Variants in TRIM49C observed in about 807,000 individuals in gnomAD.
The protein encoded by TRIM49C is tripartite motif-containing protein 49C.
In TRIM49C, 6 loss-of-function variants were observed where a neutral mutation model predicts 21.4. That is an observed-to-expected ratio of 0.28 (90% CI 0.15 to 0.55). TRIM49C has a LOEUF of 0.55. TRIM49C is among the 20% of genes least tolerant of loss of function. The pLI is 0.94. For synonymous variants in TRIM49C, 57 were observed against 148.1 expected, an observed-to-expected ratio of 0.38 and a Z score of 4.47; for missense variants, 161 against 442.4, an observed-to-expected ratio of 0.36 and a Z score of 5.71.
chr11:90,033,910 C>T (rs1480364242), intron 2 of TRIM49C, among the ~76,000 whole-genome samples: 1 of 120,282 alleles, frequency 8.3e-6, no homozygotes, highest in East Asian at 2.6e-4. Flanking sequence ...CACGCCACTG[C>T]ATTTCAGCCT....
At chr11:90,053,669 A>G in the TRIM49C span, 1 of 150,824 alleles carries the variant, frequency 6.6e-6, no homozygotes, top group African/African-American at 2.5e-5. Context: ...AGGAGTGGGG[A>G]TGGCGGTGGC....
chr11:90,046,607 G>A (rs1241664016), downstream of TRIM49C, among the ~76,000 whole-genome samples: 8 of 121,454 alleles, frequency 6.6e-5, 2 homozygotes, highest in African/African-American at 2.7e-4. Context: ...TGGGATCGGT[G>A]GTGATATCCC....
Position 90,035,234 on chromosome 11 carries a change from T to C in TRIM49C, c.23T>C (p.Val8Ala). The change falls in exon 3 of 8, where the codon GTC becomes GCC. Residue 8 changes from valine to alanine, a missense_variant. Val to Ala is a moderately conservative substitution (Grantham distance 64). Transcript: ENST00000448984. The part of the protein sequence containing the change: MNSGILQ[V>A]FQGELICPLC... ...AACATGAATTCTGGAATCTTACAGG[T>C]CTTTCAGGGGGAACTCATCTGCCCC... 2.5e-6 allele frequency: 4 copies of C among 1,577,506 alleles called. No individual in the cohort carries two copies. Among genetic ancestry groups the C allele is most frequent in the Middle Eastern group, 2.0e-4 (1 of 4,956 alleles).
the TRIM49C span, among the ~76,000 whole-genome samples, chr11:90,067,623 TATA>T: frequency 2.1e-5 from 3 of 141,346 alleles, no homozygotes; most frequent in African/African-American, 7.7e-5. Context: ...GAAATCAGCA[TATA>T]ATGTTTGTCT....
the TRIM49C span, among the ~76,000 whole-genome samples, chr11:90,054,606 C>T: frequency 7.6e-6 from 1 of 131,550 alleles, no homozygotes; most frequent in Non-Finnish European, 1.6e-5. Flanking sequence ...GGGATAAAAA[C>T]CTCAGAAAGT....
intron 7 of TRIM49C, 44 bp from the exon 8 acceptor site, chr11:90,041,007 T>A (rs1467594486): frequency 6.8e-7 from 1 of 1,469,306 alleles, no homozygotes; most frequent in African/African-American, 1.4e-5. Flanking sequence ...TTTTCTTATT[T>A]ACACATGTCT....
intron 7 of TRIM49C, among the ~76,000 whole-genome samples, 193 bp from the exon 8 acceptor site, chr11:90,040,858 A>AAC (rs1447223095): frequency 6.8e-6 from 1 of 146,324 alleles, no homozygotes; most frequent in Non-Finnish European, 1.5e-5. Context: ...TCAAAAAAAA[A>AAC]ACATAATATC....
the TRIM49C span, among the ~76,000 whole-genome samples, chr11:90,068,482 G>C: frequency 6.9e-6 from 1 of 144,110 alleles, no homozygotes; most frequent in Non-Finnish European, 1.5e-5. Context: ...GATATCATGA[G>C]CTTAATTATT....
the TRIM49C span, among the ~76,000 whole-genome samples, chr11:90,048,416 A>G: frequency 8.1e-6 from 1 of 122,730 alleles, no homozygotes; most frequent in African/African-American, 3.3e-5. Flanking sequence ...TCAGACACAG[A>G]TTTGGTCTTT....
At position 90,039,836 on chromosome 11, in the gene TRIM49C, ATGT is replaced by A. The variant is rs748956393; in HGVS notation, c.762-25_762-23del. 2.8e-5 allele frequency: 24 copies of A among 853,708 alleles called. 2 individuals are homozygous for A. The highest frequency in any genetic ancestry group is 2.1e-4 in the East Asian group (7 of 32,678). The allele number at this position is 853,708 out of a possible 1,614,324, so 52.9% of individuals were successfully genotyped here. On this transcript the variant is annotated intron_variant, in intron 6 of 7. Transcript: ENST00000448984. ...ATTTTTATTTATTTTATGGCTGTAGATGTTGTAACTGCAGGTTTTTCCTTGCAG... is the reference window on the plus strand; with the variant it reads ...ATTTTTATTTATTTTATGGCTGTAGATGTAACTGCAGGTTTTTCCTTGCAG...
At chr11:90,055,631 G>A in the TRIM49C span, among the ~76,000 whole-genome samples, 43 of 150,622 alleles carry the variant, frequency 2.9e-4, 1 homozygote, top group Admixed American at 2.5e-3. Context: ...TGAACCTATA[G>A]GATGGGAATA....
chr11:90,073,405 C>T, the TRIM49C span: 8 of 545,942 alleles, frequency 1.5e-5, 1 homozygote, highest in South Asian at 1.4e-4. Flanking sequence ...GATTAAGAAA[C>T]CTGACTGTTC....
chr11:90,071,324 G>T, the TRIM49C span, among the ~76,000 whole-genome samples: 12 of 141,146 alleles, frequency 8.5e-5, no homozygotes, highest in Non-Finnish European at 1.9e-4. Flanking sequence ...TGTGTGGTAT[G>T]TTGAATGTTA....
At chr11:90,067,466 G>A in the TRIM49C span, among the ~76,000 whole-genome samples, 1 of 148,366 alleles carries the variant, frequency 6.7e-6, no homozygotes, top group African/African-American at 2.5e-5. Flanking sequence ...CATAATTAGT[G>A]CATGAGATAA....
the TRIM49C span, chr11:90,053,777 G>A: frequency 7.1e-6 from 1 of 141,208 alleles, no homozygotes. Context: ...GTCCGGGAAA[G>A]CCTAGTGCCC....
At chr11:90,054,486 T>C in the TRIM49C span, among the ~76,000 whole-genome samples, 4 of 137,774 alleles carry the variant, frequency 2.9e-5, 1 homozygote, top group Non-Finnish European at 6.3e-5. Context: ...TAGAGTGCAG[T>C]GGCATGATCT....
chr11:90,045,580 T>A (rs1239565994), downstream of TRIM49C, among the ~76,000 whole-genome samples: 1 of 65,402 alleles, frequency 1.5e-5, no homozygotes, highest in Non-Finnish European at 2.8e-5. Context: ...TCTGTTTCTC[T>A]GTTACTGGTG....
Position 90,035,485 on chromosome 11 carries a change from A to C in TRIM49C, c.274A>C (p.Met92Leu), listed in dbSNP as rs1950721361. ...LWLFLSSEEQ[M>L]CGTHRETKKI... is the part of the protein sequence containing the mutation. ...GCTATTCCTGAGCTCTGAGGAGCAA[A>C]TGTGTGGCACTCACAGGGAGACAAA... is the stretch of plus-strand genomic sequence containing the variant. Residue 92 changes from methionine (M) to leucine (L), a missense_variant, in exon 3 of 8, where the codon ATG becomes CTG. Transcript: ENST00000448984. 5 of 1,481,954 alleles carry C rather than the reference A, an allele frequency of 3.4e-6. 1 individual carries two copies. The highest frequency in any genetic ancestry group is 1.6e-5 in the African/African-American group (1 of 64,136). The allele number at this position is 1,481,954 out of a possible 1,614,324, so 91.8% of individuals were successfully genotyped here.
At chr11:90,045,994 T>G (rs1407006986), downstream of TRIM49C, among the ~76,000 whole-genome samples, 3 of 121,968 alleles carry the variant, frequency 2.5e-5, 1 homozygote, top group South Asian at 9.2e-4. Flanking sequence ...CATGAAGGGC[T>G]GTTGAATTTT....
Sources: allele counts gnomAD v4.1 joint callset (sites outside exome capture counted in the v4.1 genomes callset), GRCh38; gene constraint gnomAD v4.1.1; transcripts MANE v1.5; gene names NCBI Gene and HGNC (gene_info 2026-07-23, HGNC 2026-07-21).